The following MAP3K2 variants were observed in gnomAD, a reference collection of about 807,000 sequenced individuals.
The protein encoded by MAP3K2 is mitogen-activated protein kinase kinase kinase 2, also known as MAP/ERK kinase kinase 2.
MAP3K2 carries 24 observed loss-of-function variants against 80.3 expected under a neutral mutation model. That is an observed-to-expected ratio of 0.30 (90% confidence interval 0.22 to 0.42). The LOEUF (loss-of-function observed/expected upper bound fraction) is 0.42. MAP3K2 is among the 10% of genes least tolerant of loss of function. MAP3K2 has a pLI of 1.00. For missense variants in MAP3K2, 608 were observed against 750.1 expected, an observed-to-expected ratio of 0.81 and a Z score of 2.21; for synonymous variants, 244 against 253.7, an observed-to-expected ratio of 0.96 and a Z score of 0.36.
intron 1 of MAP3K2, among the ~76,000 whole-genome samples, chr2:127,354,477 G>C (rs866826475): frequency 1.3e-5 from 2 of 151,994 alleles, no homozygotes; most frequent in South Asian, 4.2e-4. Flanking sequence ...ATGATTGTCA[G>C]ACTGTCAGAC....
At chr2:127,381,450 TA>T (rs142489603) in intron 1 of MAP3K2, among the ~76,000 whole-genome samples, 2 of 152,230 alleles carry the variant, frequency 1.3e-5, no homozygotes, top group African/African-American at 4.8e-5. Context: ...AATACTTTGT[TA>T]AAATCTTTAA....
At chr2:127,371,125 G>C (rs937792880) in intron 1 of MAP3K2, among the ~76,000 whole-genome samples, 1 of 152,176 alleles carries the variant, frequency 6.6e-6, no homozygotes, top group Non-Finnish European at 1.5e-5. Context: ...ATTTCCTTAC[G>C]AAAGGAATGA....
At chr2:127,361,481 C>T (rs995185280) in intron 1 of MAP3K2, among the ~76,000 whole-genome samples, 6 of 152,068 alleles carry the variant, frequency 3.9e-5, no homozygotes, top group African/African-American at 1.4e-4. Context: ...AATAGTCATA[C>T]CACATATGTA....
chr2:127,308,795 T>C (rs951300232), intron 15 of MAP3K2, 33 bp from the exon 16 acceptor site: 35 of 1,598,792 alleles, frequency 2.2e-5, no homozygotes, highest in Non-Finnish European at 3.0e-5. Flanking sequence ...TTTCATTAAT[T>C]TTATTGGCAG....
At position 127,310,323 on chromosome 2, in the gene MAP3K2, C is replaced by G. The variant is rs925380137; in HGVS notation, c.1457-1561G>C. On this transcript the variant is annotated intron_variant, in intron 15 of 16. Transcript: ENST00000682094. This position sits in a 1 kb window ranked among gnomAD's most constrained non-coding sequence, Gnocchi z 4.8. ...AGAATCAGCCATTTCTCAAGGAGGC[C>G]TGGTTCCTTTTAGTGGAGAATGGTA... is the stretch of plus-strand genomic sequence containing the variant. Among the ~76,000 whole-genome samples the G allele has an allele frequency of 1.3e-5, 2 of 151,882 alleles. No homozygotes were observed. The highest frequency in any genetic ancestry group is 4.8e-5 in the African/African-American group (2 of 41,318).
rs1205281806 is a variant in MAP3K2, at chr2:127,299,338, T to C, written c.*8241A>G. ...AAGACACACAACGTATGTTTGGACA[T>C]TTCAAAACCAATTTATAGTCAATTA... On this transcript the variant is annotated 3_prime_UTR_variant, in exon 17 of 17. Transcript: ENST00000682094. 6.6e-6 allele frequency: 1 copy of C among 152,222 alleles called. No individual in the cohort carries two copies. Among genetic ancestry groups the C allele is most frequent in the Non-Finnish European group, 1.5e-5 (1 of 68,024 alleles). The allele number at this position is 152,222 out of a possible 1,614,324, so 9.4% of individuals were successfully genotyped here.
intron 12 of MAP3K2, among the ~76,000 whole-genome samples, chr2:127,319,673 A>AAAG (rs1685977569): frequency 4.2e-5 from 6 of 142,576 alleles, no homozygotes; most frequent in African/African-American, 1.3e-4. Context: ...AAAAAAAAAA[A>AAAG]AAAAAGAAAA....
At chr2:127,333,131 CAAAAA>C (rs34727603) in intron 5 of MAP3K2, among the ~76,000 whole-genome samples, 2 of 107,284 alleles carry the variant, frequency 1.9e-5, no homozygotes, top group Admixed American at 1.0e-4. Flanking sequence ...GATGCTGTCT[CAAAAA>C]AAAAAAAAAA....
chr2:127,347,635 A>G (rs1182535171), intron 1 of MAP3K2, among the ~76,000 whole-genome samples: 1 of 152,170 alleles, frequency 6.6e-6, no homozygotes, highest in Non-Finnish European at 1.5e-5. Flanking sequence ...TGAATGGGAA[A>G]ACAATATTTT....
intron 1 of MAP3K2, among the ~76,000 whole-genome samples, chr2:127,380,652 G>C (rs896526250): frequency 3.9e-5 from 6 of 152,156 alleles, no homozygotes; most frequent in Middle Eastern, 3.4e-3. Context: ...TTTAACCTAA[G>C]AGTTAAGTAA....
At chr2:127,370,791 A>G (rs1687048672) in intron 1 of MAP3K2, among the ~76,000 whole-genome samples, 1 of 152,150 alleles carries the variant, frequency 6.6e-6, no homozygotes, top group South Asian at 2.1e-4. Flanking sequence ...CCCGTTATAC[A>G]CAGAAGAGCC....
intron 1 of MAP3K2, among the ~76,000 whole-genome samples, chr2:127,355,247 TCA>T (rs1259572413): frequency 2.8e-4 from 42 of 152,100 alleles, no homozygotes; most frequent in Non-Finnish European, 1.8e-4. Flanking sequence ...CCAAGATGCA[TCA>T]CAAACTGCTT....
chr2:127,335,104 CA>C (rs1686339781), intron 5 of MAP3K2, among the ~76,000 whole-genome samples: 1 of 152,120 alleles, frequency 6.6e-6, no homozygotes, highest in Non-Finnish European at 1.5e-5. Flanking sequence ...TTCGTATATT[CA>C]AACAACTCAT....
At chr2:127,366,045 T>C (rs1351738568) in intron 1 of MAP3K2, among the ~76,000 whole-genome samples, 2 of 152,332 alleles carry the variant, frequency 1.3e-5, no homozygotes, top group Admixed American at 6.5e-5. Context: ...CCAATTTGAC[T>C]GCTTCCAAAC....
In MAP3K2 at chr2:127,387,675, T is replaced by G. The variant is rs1377926771; in HGVS notation, c.-289A>C. 2.0e-6 allele frequency: 2 copies of G among 984,412 alleles called. No individual in the cohort carries two copies. Among genetic ancestry groups the G allele is most frequent in the African/African-American group, 3.5e-5 (2 of 56,884 alleles). 61.0% of individuals were successfully genotyped at this position (984,412 alleles called of 1,614,324 possible). A position where few individuals can be genotyped will look rare whatever the true frequency, so the allele number is the denominator to read the frequency against. On this transcript the variant is annotated 5_prime_UTR_variant, in exon 1 of 17. Coordinates refer to ENST00000682094, the MANE Select transcript of MAP3K2 (RefSeq NM_001371910.2). ...CGGGCCGGGCGGGGTGGCGGGCGCG[T>G]GAATCCTCGCAGCCGGCCGGGTCCT...
chr2:127,314,357 T>C (rs1168435144), intron 15 of MAP3K2, among the ~76,000 whole-genome samples: 1 of 152,192 alleles, frequency 6.6e-6, no homozygotes, highest in Non-Finnish European at 1.5e-5. Flanking sequence ...ATTATCTCCA[T>C]CATTTAAGAA....
chr2:127,387,228 G>A (rs1687369975), intron 1 of MAP3K2, among the ~76,000 whole-genome samples: 1 of 152,100 alleles, frequency 6.6e-6, no homozygotes, highest in Admixed American at 6.5e-5. Flanking sequence ...ACACAGCCCA[G>A]CAGCCTACTT....
chr2:127,329,889 T>C (rs767808275), intron 7 of MAP3K2, 32 bp downstream of exon 7: 2 of 1,206,426 alleles, frequency 1.7e-6, no homozygotes, highest in Non-Finnish European at 2.5e-6. Flanking sequence ...TGAGAAATCA[T>C]TCATTTCATA....
At position 127,302,479 on chromosome 2, in the gene MAP3K2, A is replaced by G. The variant is rs908963818; in HGVS notation, c.*5100T>C. On this transcript the variant is annotated 3_prime_UTR_variant, in exon 17 of 17. Transcript: ENST00000682094. ...CACACACACATGCATGCAAACGCAC[A>G]CATACATGCACACATGCACACACTT... 3 of 152,084 alleles carry G rather than the reference A, an allele frequency of 2.0e-5. No individual in the cohort carries two copies. The highest frequency in any genetic ancestry group is 7.2e-5 in the African/African-American group (3 of 41,422). The allele number at this position is 152,084 out of a possible 1,614,324, so 9.4% of individuals were successfully genotyped here.
Sources: gnomAD v4.1 joint callset for allele counts (sites outside exome capture counted in the v4.1 genomes callset) on GRCh38, gnomAD v4.1.1 for gene constraint, Gnocchi (gnomAD v3.1) non-coding constraint, MANE v1.5 for transcripts, NCBI Gene and HGNC (gene_info 2026-07-23, HGNC 2026-07-21) for gene names.